NEK7: variants seen among roughly 807,000 people sequenced by gnomAD.
NEK7 encodes serine/threonine-protein kinase Nek7.
Under a neutral mutation model 44.6 loss-of-function variants are expected in NEK7, and 18 were observed. That is an observed-to-expected ratio of 0.40 (90% confidence interval 0.28 to 0.60). The LOEUF is 0.60. NEK7 is among the 20% of genes least tolerant of loss of function. The probability of loss-of-function intolerance (pLI) is 0.38; values close to 1 mark genes in which losing one functional copy is unlikely to be tolerated. For missense variants in NEK7, 256 were observed against 366.5 expected, an observed-to-expected ratio of 0.70 and a Z score of 2.46; for synonymous variants, 130 against 121.1, an observed-to-expected ratio of 1.07 and a Z score of -0.48.
intron 1 of NEK7, among the ~76,000 whole-genome samples, chr1:198,231,338 A>ATATATATATAT (rs1399954083): frequency 7.1e-5 from 8 of 112,712 alleles, no homozygotes; most frequent in South Asian, 2.9e-4. Flanking sequence ...TATATATATA[A>ATATATATATAT]AAACACATGA....
chr1:198,180,400 TA>T (rs1283277815), intron 1 of NEK7, among the ~76,000 whole-genome samples: 1 of 151,996 alleles, frequency 6.6e-6, no homozygotes, highest in East Asian at 1.9e-4. Flanking sequence ...TAGATGAAAA[TA>T]TGAGAGAAGA....
At chr1:198,267,928 A>T (rs774560125) in intron 5 of NEK7, among the ~76,000 whole-genome samples, 1 of 151,920 alleles carries the variant, frequency 6.6e-6, no homozygotes, top group Non-Finnish European at 1.5e-5. Flanking sequence ...CTCTCTCATG[A>T]AACCAGAGGA....
Position 198,277,968 on chromosome 1 carries a change from A to G in NEK7, c.380A>G (p.Lys127Arg). ...GDLSRMIKHF[K>R]KQKRLIPERT... is the part of the protein sequence containing the mutation. ...TTTTTAATTTTCAAAAAGCATTTTA[A>G]GAAGCAAAAGAGGCTAATTCCTGAA... is the stretch of plus-strand genomic sequence containing the variant. The change falls in exon 6 of 10, where the codon AAG becomes AGG. Residue 127 changes from lysine (K) to arginine (R), a missense_variant. Lys to Arg is a conservative substitution (Grantham distance 26). Transcript: ENST00000367385. The G allele has an allele frequency of 1.3e-6, 2 of 1,594,162 alleles. No individual in the cohort carries two copies. Among genetic ancestry groups the G allele is most frequent in the Non-Finnish European group, 1.7e-6 (2 of 1,164,842 alleles).
chr1:198,157,663 ATC>A (rs973070632), intron 1 of NEK7, among the ~76,000 whole-genome samples: 12 of 152,132 alleles, frequency 7.9e-5, no homozygotes, highest in African/African-American at 2.9e-4. Context: ...TCGGTTATTT[ATC>A]TCTCGCGGAT....
At chr1:198,200,798 G>C (rs1016654799) in intron 1 of NEK7, among the ~76,000 whole-genome samples, 1 of 152,100 alleles carries the variant, frequency 6.6e-6, no homozygotes, top group Non-Finnish European at 1.5e-5. Context: ...TGATCTGCCT[G>C]CCTCGGCCTC....
At chr1:198,295,454 A>G (rs1654686196) in intron 8 of NEK7, among the ~76,000 whole-genome samples, 1 of 152,086 alleles carries the variant, frequency 6.6e-6, no homozygotes, top group Non-Finnish European at 1.5e-5. Context: ...AGCTGCTGGG[A>G]GGAGAGGGCG....
rs751829707 is a variant in NEK7, at chr1:198,256,322, C to T, written c.198+3142C>T. 1.8e-5 allele frequency: 28 copies of T among 1,598,758 alleles called. No individual in the cohort carries two copies. In the African/African-American group the frequency reaches 3.2e-4, roughly 18 times the overall value. On this transcript the variant is annotated intron_variant, in intron 3 of 9. Coordinates refer to ENST00000367385, the MANE Select transcript of NEK7 (RefSeq NM_133494.3). ...GATGTGTTCAGCTCTGGCCATTTTC[C>T]TGCAGGTTTGCCTGTTACCTGTATG... is the stretch of plus-strand genomic sequence containing the variant.
intron 1 of NEK7, among the ~76,000 whole-genome samples, chr1:198,169,742 T>C (rs1248231828): frequency 1.3e-5 from 2 of 152,188 alleles, no homozygotes; most frequent in Admixed American, 1.3e-4. Context: ...TCAAGTACTA[T>C]ACAAAAAAAT....
intron 1 of NEK7, among the ~76,000 whole-genome samples, 158 bp downstream of exon 1, chr1:198,157,434 G>T (rs536597894): frequency 2.6e-5 from 4 of 152,292 alleles, no homozygotes; most frequent in African/African-American, 7.2e-5. Context: ...CGCTGCGCTC[G>T]AGGCGGATGG....
rs530913660 is a variant in NEK7 at position 198,197,190 on chromosome 1, ATTTGT to A, written c.-28-35359_-28-35355del. 2.6e-5 allele frequency among the ~76,000 whole-genome samples: 4 copies of A among 152,296 alleles called. No individual in the cohort carries two copies. In the East Asian group the frequency reaches 5.8e-4, roughly 22 times the overall value. ...ATATAAATTTCTGTAATGTAATTAT[ATTTGT>A]TTTATTAGTCATTTACTGTATAATA... is the stretch of plus-strand genomic sequence containing the variant. On this transcript the variant is annotated intron_variant, in intron 1 of 9. Coordinates refer to ENST00000367385, the MANE Select transcript of NEK7 (RefSeq NM_133494.3).
intron 9 of NEK7, among the ~76,000 whole-genome samples, chr1:198,300,122 A>G (rs1654840689): frequency 1.3e-5 from 2 of 152,144 alleles, no homozygotes; most frequent in African/African-American, 2.4e-5. Flanking sequence ...CTCCTTTTCT[A>G]GTAATGATCT....
chr1:198,206,567 C>T (rs1665606546), intron 1 of NEK7, among the ~76,000 whole-genome samples: 1 of 152,046 alleles, frequency 6.6e-6, no homozygotes, highest in South Asian at 2.1e-4. Context: ...TTTAGTGACA[C>T]ATGCCTGCAT....
chr1:198,158,139 C>T (rs1663973595), intron 1 of NEK7, among the ~76,000 whole-genome samples: 2 of 152,064 alleles, frequency 1.3e-5, no homozygotes, highest in African/African-American at 4.8e-5. Flanking sequence ...ACTGGGGTCG[C>T]GGAGAGATGA....
chr1:198,261,617 G>T (rs939148248), intron 3 of NEK7, among the ~76,000 whole-genome samples: 6 of 151,742 alleles, frequency 4.0e-5, no homozygotes, highest in African/African-American at 1.5e-4. Flanking sequence ...TTTTTTATTT[G>T]TTATGTAACT....
rs182077198 is a variant in NEK7 at position 198,198,556 on chromosome 1, C to G, written c.-28-33997C>G. Among the ~76,000 whole-genome samples, 400 of 152,292 alleles carry G rather than the reference C, an allele frequency of 2.6e-3. 2 individuals are homozygous for G. The highest frequency in any genetic ancestry group is 8.2e-3 in the African/African-American group (342 of 41,556). On this transcript the variant is annotated intron_variant, in intron 1 of 9. Coordinates refer to ENST00000367385, the MANE Select transcript of NEK7 (RefSeq NM_133494.3). Reference sequence around the variant, plus strand: ...ATGTAAAGTCTCAGTCTTGGTTCTTCCCAGACAGGATCCTGTGCTTGGAAT... The same window carrying G: ...ATGTAAAGTCTCAGTCTTGGTTCTTGCCAGACAGGATCCTGTGCTTGGAAT...
intron 9 of NEK7, among the ~76,000 whole-genome samples, chr1:198,309,261 G>C (rs1558105279): frequency 1.3e-5 from 2 of 151,938 alleles, no homozygotes; most frequent in African/African-American, 4.8e-5. Context: ...CATAAACAAA[G>C]ATATAGGGGC....
At chr1:198,160,491 G>A (rs1420463454) in intron 1 of NEK7, among the ~76,000 whole-genome samples, 1 of 152,098 alleles carries the variant, frequency 6.6e-6, no homozygotes, top group African/African-American at 2.4e-5. Context: ...TACGAGGGTA[G>A]GTATTTCAGT....
chr1:198,160,796 A>G (rs1233248035), intron 1 of NEK7, among the ~76,000 whole-genome samples: 2 of 152,210 alleles, frequency 1.3e-5, no homozygotes, highest in African/African-American at 4.8e-5. Context: ...TTTTAAATTG[A>G]TACAATTCAA....
chr1:198,306,432 C>T (rs756510497), intron 9 of NEK7, among the ~76,000 whole-genome samples: 8 of 152,092 alleles, frequency 5.3e-5, no homozygotes, highest in Non-Finnish European at 8.8e-5. Flanking sequence ...ACGAGTCAAC[C>T]TATTATGTGT....
Sources: gnomAD v4.1 joint callset for allele counts (sites outside exome capture counted in the v4.1 genomes callset) on GRCh38, gnomAD v4.1.1 for gene constraint, MANE v1.5 for transcripts, NCBI Gene and HGNC (gene_info 2026-07-23, HGNC 2026-07-21) for gene names.